The following ARID5B variants were observed in gnomAD, a reference collection of about 807,000 sequenced individuals.
ARID5B encodes the protein AT-rich interactive domain-containing protein 5B.
Under a neutral mutation model 97.2 loss-of-function variants are expected in ARID5B, and 13 were observed. The observed-to-expected ratio is 0.13, with a 90% CI of 0.09 to 0.21. ARID5B has a LOEUF of 0.21. Among genes scored for constraint, ARID5B ranks in the 10% least tolerant of loss-of-function variants. The probability of loss-of-function intolerance (pLI) is 1.00; values close to 1 mark genes in which losing one functional copy is unlikely to be tolerated. For missense variants in ARID5B, 1,210 were observed against 1,465.3 expected, an observed-to-expected ratio of 0.83 and a Z score of 2.84; for synonymous variants, 556 against 570.3, an observed-to-expected ratio of 0.97 and a Z score of 0.36.
intron 4 of ARID5B, among the ~76,000 whole-genome samples, chr10:62,033,383 C>G (rs1338457090): frequency 6.6e-6 from 1 of 152,148 alleles, no homozygotes; most frequent in South Asian, 2.1e-4. Context: ...TTTAAAGTTG[C>G]CTGAAACACA....
chr10:62,044,292 G>C (rs1839676831), intron 4 of ARID5B, among the ~76,000 whole-genome samples: 1 of 151,386 alleles, frequency 6.6e-6, no homozygotes, highest in South Asian at 2.1e-4. Flanking sequence ...GATTGGGGTT[G>C]TCTGCTCTTG....
rs1840465541 is a variant in ARID5B, at chr10:62,096,084, T to TAGA, written c.*3056_*3057insAAG. 6 of 233,434 alleles carry TAGA rather than the reference T, an allele frequency of 2.6e-5. No individual in the cohort carries two copies. Among genetic ancestry groups the TAGA allele is most frequent in the African/African-American group, 1.3e-4 (6 of 45,370 alleles). The allele number at this position is 233,434 out of a possible 1,614,324, so 14.5% of individuals were successfully genotyped here. On this transcript the variant is annotated 3_prime_UTR_variant, in exon 10 of 10. Coordinates refer to ENST00000279873, the MANE Select transcript of ARID5B (RefSeq NM_032199.3). Reference sequence around the variant, plus strand: ...CGAGTTTCGGAATTAAGTATTCTTCTAGTAAGTGATTCAAACTTGTAATAT... The same window carrying TAGA: ...CGAGTTTCGGAATTAAGTATTCTTCTAGAAGTAAGTGATTCAAACTTGTAATAT...
intron 7 of ARID5B, among the ~76,000 whole-genome samples, chr10:62,068,696 G>A (rs996526401): frequency 3.3e-5 from 5 of 151,996 alleles, no homozygotes; most frequent in South Asian, 2.1e-4. Context: ...GAGTTTTCCC[G>A]TAACCCTGTT....
chr10:62,051,824 C>T (rs545950248), intron 5 of ARID5B, among the ~76,000 whole-genome samples: 6 of 151,850 alleles, frequency 4.0e-5, no homozygotes, highest in African/African-American at 9.7e-5. Context: ...TTTTAGTTGA[C>T]GAACAGATTT....
chr10:62,051,506 C>A (rs1469500300), intron 5 of ARID5B, among the ~76,000 whole-genome samples: 1 of 152,170 alleles, frequency 6.6e-6, no homozygotes, highest in Non-Finnish European at 1.5e-5. Flanking sequence ...AGATACATAG[C>A]AAAATATTTA....
intron 3 of ARID5B, among the ~76,000 whole-genome samples, chr10:61,978,670 T>A (rs1838734652): frequency 6.6e-6 from 1 of 152,238 alleles, no homozygotes; most frequent in African/African-American, 2.4e-5. Context: ...TTGTCTGTTA[T>A]TGGTATATAA....
chr10:61,948,776 A>G (rs1408686607), intron 3 of ARID5B, among the ~76,000 whole-genome samples: 1 of 152,220 alleles, frequency 6.6e-6, no homozygotes, highest in Non-Finnish European at 1.5e-5. Context: ...CCAGTGATCC[A>G]TTACGCATGG....
intron 3 of ARID5B, among the ~76,000 whole-genome samples, chr10:61,983,720 A>G (rs1436678224): frequency 6.6e-6 from 1 of 151,870 alleles, no homozygotes; most frequent in Non-Finnish European, 1.5e-5. Flanking sequence ...CACTTGCCCC[A>G]TGGAAGTTGT....
chr10:61,959,686 A>G (rs1326086035), intron 3 of ARID5B, among the ~76,000 whole-genome samples: 3 of 152,180 alleles, frequency 2.0e-5, no homozygotes, highest in African/African-American at 7.2e-5. Context: ...GTTATGATAT[A>G]CCCTTTTAAA....
intron 4 of ARID5B, among the ~76,000 whole-genome samples, chr10:62,003,739 T>G (rs1323482246): frequency 1.3e-5 from 2 of 152,170 alleles, no homozygotes; most frequent in Non-Finnish European, 2.9e-5. Flanking sequence ...GTTTTCTCTG[T>G]GTGCCGTGGA....
Position 62,086,007 on chromosome 10 carries a change from G to C in ARID5B, c.1398+107G>C, listed in dbSNP as rs1004077731. ...GTGTCCCTGCACAGTTGGATGGCTTGATGAAGAAACCAAGAAATCTAAGCT... is the reference window on the plus strand; with the variant it reads ...GTGTCCCTGCACAGTTGGATGGCTTCATGAAGAAACCAAGAAATCTAAGCT... On this transcript the variant is annotated intron_variant, in intron 9 of 9. Coordinates refer to ENST00000279873, the MANE Select transcript of ARID5B (RefSeq NM_032199.3). The C allele has an allele frequency of 9.9e-6, 12 of 1,206,056 alleles. No individual in the cohort carries two copies. The African/African-American group carries it at 1.4e-4, about 14-fold the overall frequency. The allele number at this position is 1,206,056 out of a possible 1,614,324, so 74.7% of individuals were successfully genotyped here.
At chr10:61,920,533 G>A (rs1415667099) in intron 2 of ARID5B, among the ~76,000 whole-genome samples, 8 of 151,632 alleles carry the variant, frequency 5.3e-5, no homozygotes, top group African/African-American at 1.5e-4. Flanking sequence ...GACAGGTTTC[G>A]CCATGTTGGC....
At position 62,094,025 on chromosome 10, in the gene ARID5B, T is replaced by TA. The variant is rs1423168831; in HGVS notation, c.*996dup. On this transcript the variant is annotated 3_prime_UTR_variant, in exon 10 of 10. Coordinates refer to ENST00000279873, the MANE Select transcript of ARID5B (RefSeq NM_032199.3). ...CTGTGAAAATATTGAGCATTGTACT[T>TA]ACCTTATCTAGGCTGTGAAACTGTC... 1.3e-5 allele frequency: 3 copies of TA among 233,530 alleles called. No homozygotes were observed. Among genetic ancestry groups the TA allele is most frequent in the Non-Finnish European group, 2.5e-5 (3 of 118,006 alleles). The allele number at this position is 233,530 out of a possible 1,614,324, so 14.5% of individuals were successfully genotyped here. A position where few individuals can be genotyped will look rare whatever the true frequency, so the allele number is the denominator to read the frequency against.
At chr10:61,935,449 G>A (rs1844283193) in intron 2 of ARID5B, among the ~76,000 whole-genome samples, 1 of 151,992 alleles carries the variant, frequency 6.6e-6, no homozygotes, top group African/African-American at 2.4e-5. Flanking sequence ...ATTCTTTGAG[G>A]CTGCTTTAAG....
At chr10:62,035,806 T>TTTTTGTTTTG (rs879729559) in intron 4 of ARID5B, among the ~76,000 whole-genome samples, 1 of 151,216 alleles carries the variant, frequency 6.6e-6, no homozygotes, top group Non-Finnish European at 1.5e-5. Context: ...GTAAGGAAGC[T>TTTTTGTTTTG]TTTTGTTTTG....
chr10:62,051,000 G>GGTAC lies in ARID5B; in HGVS notation c.846+2_846+5dup. On this transcript the variant is annotated frameshift_variant and splice_region_variant. Coordinates refer to ENST00000279873, the MANE Select transcript of ARID5B (RefSeq NM_032199.3). LOFTEE classifies it high-confidence loss of function. Reference sequence around the variant, plus strand: ...ATTCCGATGGCAAAGCCGTTGCCAAGGTACGGTCATTCACTCCACGGTATT... The same window carrying GGTAC: ...ATTCCGATGGCAAAGCCGTTGCCAAGGTACGTACGGTCATTCACTCCACGGTATT... The GGTAC allele has an allele frequency of 3.7e-6, 6 of 1,610,494 alleles. No homozygotes were observed. Among genetic ancestry groups the GGTAC allele is most frequent in the Non-Finnish European group, 5.1e-6 (6 of 1,176,670 alleles).
rs16916939 is a variant in ARID5B, at chr10:62,054,693, C to T, written c.847-2424C>T. On this transcript the variant is annotated intron_variant, in intron 5 of 9. Coordinates refer to ENST00000279873, the MANE Select transcript of ARID5B (RefSeq NM_032199.3). ...CACACCAAGGAGCTCAAACCTTATTCTCCTTTTAACAGTGGTTCTTCTGAC... is the reference window on the plus strand; with the variant it reads ...CACACCAAGGAGCTCAAACCTTATTTTCCTTTTAACAGTGGTTCTTCTGAC... Among the ~76,000 whole-genome samples, 681 of 152,334 alleles carry T rather than the reference C, an allele frequency of 4.5e-3. 5 individuals are homozygous for T. Among genetic ancestry groups the T allele is most frequent in the African/African-American group, 0.015 (631 of 41,584 alleles).
chr10:61,920,767 ATATT>A (rs776169819), intron 2 of ARID5B, among the ~76,000 whole-genome samples: 1 of 152,164 alleles, frequency 6.6e-6, no homozygotes, highest in Non-Finnish European at 1.5e-5. Context: ...AATTCAATCA[ATATT>A]TATTAGGATG....
intron 3 of ARID5B, among the ~76,000 whole-genome samples, chr10:61,992,005 C>T (rs1369881924): frequency 6.6e-6 from 1 of 151,684 alleles, no homozygotes; most frequent in Non-Finnish European, 1.5e-5. Flanking sequence ...GCACTCCAGC[C>T]TGGGCAACAA....
Sources: allele counts gnomAD v4.1 joint callset (sites outside exome capture counted in the v4.1 genomes callset), GRCh38; gene constraint gnomAD v4.1.1; transcripts MANE v1.5; gene names NCBI Gene and HGNC (gene_info 2026-07-23, HGNC 2026-07-21).